Variants in CDH19 observed in about 807,000 individuals in gnomAD.
CDH19 encodes the protein cadherin-19.
In CDH19, 67 loss-of-function variants were observed where a neutral mutation model predicts 64.2. The observed-to-expected ratio is 1.04, with a 90% CI of 0.86 to 1.28. The LOEUF is 1.28. Among genes scored for constraint, CDH19 ranks in the 50% most tolerant of loss-of-function variants. CDH19 has a pLI of 0.00. For synonymous variants in CDH19, 346 were observed against 319.3 expected (o/e 1.08, Z -0.89); for missense variants, 1,030 against 929.0 (o/e 1.11, Z -1.41).
At chr18:66,540,823 C>T (rs553976066) in intron 7 of CDH19, among the ~76,000 whole-genome samples, 33 of 152,074 alleles carry the variant, frequency 2.2e-4, no homozygotes, top group African/African-American at 5.3e-4. Context: ...TTTTGAGGGA[C>T]GTAAACATTT....
At chr18:66,535,848 A>G (rs1207544501) in intron 7 of CDH19, among the ~76,000 whole-genome samples, 6 of 147,312 alleles carry the variant, frequency 4.1e-5, no homozygotes, top group Admixed American at 2.7e-4. Context: ...CATACAATAT[A>G]TGTATGTATA....
rs73535796 is a variant in CDH19, at chr18:66,516,318, C to T, written c.1459-4633G>A. Among the ~76,000 whole-genome samples the T allele has an allele frequency of 1.8e-3, 281 of 152,036 alleles. 1 individual carries two copies. Among genetic ancestry groups the T allele is most frequent in the African/African-American group, 6.6e-3 (273 of 41,520 alleles). On this transcript the variant is annotated intron_variant, in intron 9 of 11. Transcript: ENST00000262150. ...GAGAATCTAGTCCGCAAGCTATTGT[C>T]ATGATCCTATTGAACAACTGCTTGG...
intron 7 of CDH19, among the ~76,000 whole-genome samples, chr18:66,540,661 C>T (rs1025718005): frequency 6.6e-6 from 1 of 152,026 alleles, no homozygotes; most frequent in South Asian, 2.1e-4. Flanking sequence ...GGGCACTAAT[C>T]CCATTCATTA....
At chr18:66,527,214 A>T (rs1356865984) in intron 9 of CDH19, among the ~76,000 whole-genome samples, 1 of 151,862 alleles carries the variant, frequency 6.6e-6, no homozygotes, top group African/African-American at 2.4e-5. Context: ...CTACTTAGTA[A>T]TTCTATTTTG....
At chr18:66,545,506 C>T (rs1337354427) in intron 5 of CDH19, among the ~76,000 whole-genome samples, 2 of 151,658 alleles carry the variant, frequency 1.3e-5, no homozygotes, top group Non-Finnish European at 2.9e-5. Context: ...ATTTGAGCAT[C>T]TATCATCATC....
intron 1 of CDH19, among the ~76,000 whole-genome samples, chr18:66,590,969 AT>A (rs201867281): frequency 1.3e-5 from 2 of 151,522 alleles, no homozygotes; most frequent in Admixed American, 6.6e-5. Context: ...ATCAGCAGTG[AT>A]TTTTTTTATG....
At chr18:66,523,740 T>A (rs1598979056) in intron 9 of CDH19, among the ~76,000 whole-genome samples, 1 of 150,990 alleles carries the variant, frequency 6.6e-6, no homozygotes, top group South Asian at 2.1e-4. Context: ...ACCACACAAA[T>A]CCCCACACGT....
Position 66,511,687 on chromosome 18 carries a change from T to TAAA in CDH19, c.1459-5_1459-3dup. 7.3e-7 allele frequency: 1 copy of TAAA among 1,365,836 alleles called. No homozygotes were observed. The highest frequency in any genetic ancestry group is 1.0e-6 in the Non-Finnish European group (1 of 971,798). The allele number at this position is 1,365,836 out of a possible 1,614,324, so 84.6% of individuals were successfully genotyped here. A position where few individuals can be genotyped will look rare whatever the true frequency, so the allele number is the denominator to read the frequency against. ...CACTGCACTGATAGTCTGAATTACC[T>TAAA]AAAAAAAAAGGGGGATAGATTTTTG... On this transcript the variant is annotated splice_region_variant and splice_polypyrimidine_tract_variant and intron_variant, in intron 9 of 11. Coordinates refer to ENST00000262150, the MANE Select transcript of CDH19 (RefSeq NM_021153.4).
chr18:66,509,306 T>C (rs572151385), intron 10 of CDH19, 60 bp from the exon 11 acceptor site: 3 of 1,427,170 alleles, frequency 2.1e-6, no homozygotes, highest in East Asian at 4.6e-5. Flanking sequence ...TTGTATGTAA[T>C]AGTCACATGT....
chr18:66,507,827 G>A (rs570284961), intron 11 of CDH19, among the ~76,000 whole-genome samples: 21 of 151,806 alleles, frequency 1.4e-4, no homozygotes, highest in Non-Finnish European at 2.2e-4. Context: ...GGTATGCAAT[G>A]TGATGTCTGA....
At chr18:66,601,685 C>T (rs1989040668) in intron 1 of CDH19, among the ~76,000 whole-genome samples, 1 of 151,822 alleles carries the variant, frequency 6.6e-6, no homozygotes, top group African/African-American at 2.4e-5. Context: ...TTCAGACAAG[C>T]ATTCTCTTAA....
rs1160211505 is a variant in CDH19, at chr18:66,505,079, C to T, written c.2052G>A (p.Gln684=). Residue 684 remains glutamine, a synonymous_variant, in exon 12 of 12, where the codon CAG becomes CAA. Coordinates refer to ENST00000262150, the MANE Select transcript of CDH19 (RefSeq NM_021153.4). ...TSAEIRSLYR[Q]SLQVGPDSAI... The stretch of plus-strand genomic sequence containing the variant: ...CACTGTCGGGGCCAACTTGCAAAGA[C>T]TGCCTGTATAGGCTCCTGATCTCAG... 6.2e-7 allele frequency: 1 copy of T among 1,613,616 alleles called. No individual in the cohort carries two copies. The highest frequency in any genetic ancestry group is 8.5e-7 in the Non-Finnish European group (1 of 1,179,780).
chr18:66,588,040 G>GA (rs769364126), intron 1 of CDH19, among the ~76,000 whole-genome samples: 25 of 152,152 alleles, frequency 1.6e-4, no homozygotes, highest in Non-Finnish European at 2.5e-4. Flanking sequence ...ATATTGATGA[G>GA]AAAAAAGTTG....
intron 1 of CDH19, among the ~76,000 whole-genome samples, chr18:66,579,817 T>G (rs1988372829): frequency 6.6e-6 from 1 of 152,050 alleles, no homozygotes; most frequent in Non-Finnish European, 1.5e-5. Flanking sequence ...AATGAGAAAG[T>G]ATTGCCAGTT....
chr18:66,539,346 C>T (rs1986797746), intron 7 of CDH19, among the ~76,000 whole-genome samples: 1 of 152,010 alleles, frequency 6.6e-6, no homozygotes, highest in Admixed American at 6.6e-5. Context: ...TACCTTGTTT[C>T]CAATCTTAGG....
chr18:66,591,273 A>G lies in CDH19; in HGVS notation c.-113+12681T>C, dbSNP rs561158089. ...AAACATGAGATTTATTTAAATACTT[A>G]TAATGTCTGACTTCTTTAAATAAAT... On this transcript the variant is annotated intron_variant, in intron 1 of 11. Coordinates refer to ENST00000262150, the MANE Select transcript of CDH19 (RefSeq NM_021153.4). Among the ~76,000 whole-genome samples, 14 of 152,082 alleles carry G rather than the reference A, an allele frequency of 9.2e-5. 1 individual carries two copies. The East Asian group carries it at 2.5e-3, about 27-fold the overall frequency.
chr18:66,559,270 G>T (rs1327480333), intron 3 of CDH19, among the ~76,000 whole-genome samples: 1 of 151,732 alleles, frequency 6.6e-6, no homozygotes, highest in Non-Finnish European at 1.5e-5. Context: ...ACTTACATTT[G>T]CAATAAAAAC....
Position 66,511,647 on chromosome 18 carries a change from G to A in CDH19, c.1497C>T (p.Ser499=). Residue 499 remains serine (S), a synonymous_variant, in exon 10 of 12, where the codon TCC becomes TCT. Coordinates refer to ENST00000262150, the MANE Select transcript of CDH19 (RefSeq NM_021153.4). The stretch of plus-strand genomic sequence containing the variant: ...TAAAGTAAAAATGGTGCTCTTCTAT[G>A]GATTCATCTCTATCCACTGCACTGA... ...QTISAVDRDE[S]IEEHHFYFNL... is the part of the protein sequence containing the mutation. The A allele has an allele frequency of 1.9e-6, 3 of 1,578,766 alleles. No individual in the cohort carries two copies. Among genetic ancestry groups the A allele is most frequent in the Non-Finnish European group, 1.7e-6 (2 of 1,149,492 alleles).
At chr18:66,560,791 C>A (rs1325672385) in intron 3 of CDH19, among the ~76,000 whole-genome samples, 1 of 151,950 alleles carries the variant, frequency 6.6e-6, no homozygotes, top group Non-Finnish European at 1.5e-5. Context: ...TCATATATAC[C>A]TAACCTCTTT....
Sources: gnomAD v4.1 joint callset for allele counts (sites outside exome capture counted in the v4.1 genomes callset) on GRCh38, gnomAD v4.1.1 for gene constraint, MANE v1.5 for transcripts, NCBI Gene and HGNC (gene_info 2026-07-23, HGNC 2026-07-21) for gene names.